The following UNC79 variants were observed in gnomAD, a reference collection of about 807,000 sequenced individuals.
UNC79 encodes unc-79 subunit of NALCN channel complex, also known as protein unc-79 homolog.
Under a neutral mutation model 283.1 loss-of-function variants are expected in UNC79, and 37 were observed. That is an observed-to-expected ratio of 0.13 (90% CI 0.10 to 0.17). UNC79 has a LOEUF of 0.17. UNC79 is among the 10% of genes least tolerant of loss of function. The pLI is 1.00. For missense variants in UNC79, 2,272 were observed against 3,211.1 expected, an observed-to-expected ratio of 0.71 and a Z score of 7.07; for synonymous variants, 1,107 against 1,200.2, an observed-to-expected ratio of 0.92 and a Z score of 1.61.
intron 7 of UNC79, among the ~76,000 whole-genome samples, chr14:93,502,698 A>T (rs773887097): frequency 6.6e-6 from 1 of 152,220 alleles, no homozygotes; most frequent in Non-Finnish European, 1.5e-5. Flanking sequence ...TTTGAACTAT[A>T]GGACAAAAGA....
chr14:93,379,130 A>G (rs1292371554), intron 1 of UNC79, among the ~76,000 whole-genome samples: 1 of 152,120 alleles, frequency 6.6e-6, no homozygotes, highest in Admixed American at 6.6e-5. Flanking sequence ...TTAAATCTGC[A>G]ACTACTTCCA....
At chr14:93,390,023 C>T (rs2054853836) in intron 1 of UNC79, among the ~76,000 whole-genome samples, 1 of 152,176 alleles carries the variant, frequency 6.6e-6, no homozygotes, top group African/African-American at 2.4e-5. Context: ...GAAAAGGAAA[C>T]TATAGGTTAA....
At chr14:93,517,994 T>C (rs997000014) in intron 7 of UNC79, among the ~76,000 whole-genome samples, 3 of 151,988 alleles carry the variant, frequency 2.0e-5, no homozygotes, top group Admixed American at 2.0e-4. Flanking sequence ...CTGTATTATA[T>C]TGCTAGATTT....
At chr14:93,520,053 G>A (rs757537261) in intron 7 of UNC79, among the ~76,000 whole-genome samples, 11 of 151,770 alleles carry the variant, frequency 7.2e-5, no homozygotes, top group South Asian at 4.1e-4. Context: ...CCTTTAGCCC[G>A]AAAAACTTCC....
chr14:93,464,615 G>C (rs1215126351), intron 1 of UNC79: 1 of 456,262 alleles, frequency 2.2e-6, no homozygotes, highest in Admixed American at 2.3e-5. Context: ...TATAAGGAAA[G>C]GGGTGGCCCC....
chr14:93,529,234 G>A (rs2060685788), intron 9 of UNC79, 52 bp from the exon 10 acceptor site: 5 of 1,598,636 alleles, frequency 3.1e-6, no homozygotes, highest in Non-Finnish European at 4.3e-6. Context: ...CATTCATGTG[G>A]AAGGAGAACA....
At chr14:93,552,028 T>A (rs1343238028) in intron 14 of UNC79, among the ~76,000 whole-genome samples, 1 of 152,232 alleles carries the variant, frequency 6.6e-6, no homozygotes, top group East Asian at 1.9e-4. Flanking sequence ...CTTAGAACTG[T>A]TGAAGCCTGG....
chr14:93,428,815 C>T (rs970906179), upstream of UNC79, among the ~76,000 whole-genome samples: 8 of 152,072 alleles, frequency 5.3e-5, no homozygotes, highest in Non-Finnish European at 1.0e-4. Context: ...GTAAGGCAGT[C>T]GAGGCATGGA....
At chr14:93,376,289 C>T (rs1358562959) in intron 1 of UNC79, among the ~76,000 whole-genome samples, 1 of 152,106 alleles carries the variant, frequency 6.6e-6, no homozygotes, top group Non-Finnish European at 1.5e-5. Context: ...TGGGGAAGAA[C>T]AGAACTATCT....
At chr14:93,544,654 G>A (rs1046338860) in intron 14 of UNC79, among the ~76,000 whole-genome samples, 5 of 152,184 alleles carry the variant, frequency 3.3e-5, no homozygotes, top group Non-Finnish European at 7.3e-5. Flanking sequence ...TCTATAGAGG[G>A]AAGATTTAGG....
At chr14:93,668,858 A>G (rs1483402245) in intron 40 of UNC79, among the ~76,000 whole-genome samples, 1 of 151,348 alleles carries the variant, frequency 6.6e-6, no homozygotes, top group Admixed American at 6.6e-5. Flanking sequence ...ACAAAAAAAA[A>G]AAAAAAAATT....
At chr14:93,641,946 T>C (rs144248675) in intron 33 of UNC79, among the ~76,000 whole-genome samples, 71 of 152,278 alleles carry the variant, frequency 4.7e-4, no homozygotes, top group African/African-American at 1.6e-3. Flanking sequence ...CTGCACAAGC[T>C]CTCTTGCCTC....
intron 3 of UNC79, among the ~76,000 whole-genome samples, chr14:93,477,185 T>A (rs2057852557): frequency 6.6e-6 from 1 of 152,184 alleles, no homozygotes; most frequent in Non-Finnish European, 1.5e-5. Flanking sequence ...AATAGCCCGG[T>A]TTTATTTCTG....
chr14:93,455,460 A>AGT (rs2056768836), intron 1 of UNC79, among the ~76,000 whole-genome samples: 1 of 151,990 alleles, frequency 6.6e-6, no homozygotes. Context: ...GCAGCAATAG[A>AGT]GTGTGTGTGT....
At chr14:93,579,459 A>G (rs1457182942) in intron 18 of UNC79, among the ~76,000 whole-genome samples, 1 of 152,138 alleles carries the variant, frequency 6.6e-6, no homozygotes, top group Non-Finnish European at 1.5e-5. Context: ...CTGGTATTCT[A>G]CTGATGGAAT....
At chr14:93,521,572 G>T (rs2060322506) in intron 7 of UNC79, among the ~76,000 whole-genome samples, 1 of 151,660 alleles carries the variant, frequency 6.6e-6, no homozygotes, top group Non-Finnish European at 1.5e-5. Context: ...GGTGATTGTG[G>T]GGCTCACTGC....
chr14:93,563,224 T>C lies in UNC79; in HGVS notation c.1756-8670T>C, dbSNP rs570116985. On this transcript the variant is annotated intron_variant, in intron 14 of 48. Coordinates refer to ENST00000555664, the Ensembl canonical transcript of UNC79. ...CCAATGAGAAGGAGAAAAACTGCCATGAGGGACAGAAGTTGGAAAGCTAGC... is the reference window on the plus strand; with the variant it reads ...CCAATGAGAAGGAGAAAAACTGCCACGAGGGACAGAAGTTGGAAAGCTAGC... Among the ~76,000 whole-genome samples, 3 of 152,232 alleles carry C rather than the reference T, an allele frequency of 2.0e-5. No homozygotes were observed. In the South Asian group the frequency reaches 6.2e-4, roughly 32 times the overall value.
intron 47 of UNC79, among the ~76,000 whole-genome samples, chr14:93,695,621 G>C (rs187339148): frequency 3.9e-5 from 6 of 151,960 alleles, no homozygotes; most frequent in African/African-American, 1.4e-4. Context: ...GCCAGGCATG[G>C]TGGCTTATGC....
chr14:93,622,417 G>A, exon 30 of UNC79: 1 of 1,614,174 alleles, frequency 6.2e-7, no homozygotes, highest in Non-Finnish European at 8.5e-7. Flanking sequence ...GATCCTCAAA[G>A]CCAGAGGAGC....
Sources: allele counts gnomAD v4.1 joint callset (sites outside exome capture counted in the v4.1 genomes callset), GRCh38; gene constraint gnomAD v4.1.1; transcripts MANE v1.5; gene names NCBI Gene and HGNC (gene_info 2026-07-23, HGNC 2026-07-21).